ZNF407: variants seen among roughly 807,000 people sequenced by gnomAD.
ZNF407 encodes zinc finger protein 407.
A neutral mutation model predicts 131.2 loss-of-function variants in ZNF407; 17 were observed. That is an observed-to-expected ratio of 0.13 (90% CI 0.09 to 0.19). ZNF407 has a LOEUF of 0.19. Ranked by LOEUF, ZNF407 falls within the 10% of genes least tolerant of loss-of-function variation. The pLI is 1.00. For missense variants in ZNF407, 2,681 were observed against 2,830.6 expected, an observed-to-expected ratio of 0.95 and a Z score of 1.20; for synonymous variants, 1,156 against 1,062.0, an observed-to-expected ratio of 1.09 and a Z score of -1.72.
At chr18:74,715,294 T>C (rs1387596505) in intron 3 of ZNF407, among the ~76,000 whole-genome samples, 1 of 152,242 alleles carries the variant, frequency 6.6e-6, no homozygotes, top group Non-Finnish European at 1.5e-5. Flanking sequence ...TCTATTATTG[T>C]TACTATCCAA....
At chr18:74,823,164 A>G (rs973074309) in intron 4 of ZNF407, among the ~76,000 whole-genome samples, 1 of 152,176 alleles carries the variant, frequency 6.6e-6, no homozygotes. Context: ...AAATGCTGAG[A>G]GATTTTTGTC....
intron 3 of ZNF407, among the ~76,000 whole-genome samples, chr18:74,713,062 C>T (rs1003009807): frequency 2.6e-4 from 39 of 152,182 alleles, no homozygotes; most frequent in Admixed American, 6.5e-4. Context: ...TTGTTAGATA[C>T]TTGGCCTTAT....
At chr18:74,943,128 G>C (rs1972118820) in intron 8 of ZNF407, among the ~76,000 whole-genome samples, 1 of 151,896 alleles carries the variant, frequency 6.6e-6, no homozygotes, top group Admixed American at 6.6e-5. Context: ...ACATTAGCCA[G>C]GATGGTCTCG....
chr18:74,688,346 C>G (rs1967143620), intron 3 of ZNF407, among the ~76,000 whole-genome samples: 1 of 152,210 alleles, frequency 6.6e-6, no homozygotes, highest in East Asian at 1.9e-4. Context: ...TAAGATATCT[C>G]TCTGGATGCA....
intron 7 of ZNF407, among the ~76,000 whole-genome samples, chr18:74,899,985 G>A (rs1220101025): frequency 6.6e-6 from 1 of 152,242 alleles, no homozygotes; most frequent in Non-Finnish European, 1.5e-5. Context: ...GGCAGCTGAA[G>A]GCAGGTAGAC....
intron 4 of ZNF407, among the ~76,000 whole-genome samples, chr18:74,787,969 C>G (rs1306915415): frequency 6.6e-6 from 1 of 152,146 alleles, no homozygotes; most frequent in Non-Finnish European, 1.5e-5. Context: ...GGTCTTTATT[C>G]CAGAGAAAGT....
intron 8 of ZNF407, among the ~76,000 whole-genome samples, chr18:75,005,534 T>C (rs1225519660): frequency 2.6e-5 from 4 of 152,112 alleles, no homozygotes; most frequent in Admixed American, 2.6e-4. Flanking sequence ...TCTATTGAGA[T>C]TGAAAACCTT....
intron 7 of ZNF407, among the ~76,000 whole-genome samples, chr18:74,897,812 A>C (rs1219113533): frequency 6.6e-6 from 1 of 152,226 alleles, no homozygotes; most frequent in Non-Finnish European, 1.5e-5. Context: ...GAAGTCACCT[A>C]TGCATCCCTA....
intron 1 of ZNF407, among the ~76,000 whole-genome samples, chr18:74,621,135 TGTGG>T (rs1983493446): frequency 1.3e-5 from 2 of 152,120 alleles, no homozygotes; most frequent in African/African-American, 2.4e-5. Flanking sequence ...TGTTTAATTT[TGTGG>T]GTACATAGCA....
At chr18:74,950,305 G>A (rs1972199462) in intron 8 of ZNF407, among the ~76,000 whole-genome samples, 2 of 152,188 alleles carry the variant, frequency 1.3e-5, no homozygotes, top group Admixed American at 1.3e-4. Flanking sequence ...CACACTTAAT[G>A]CTTACATATT....
At chr18:74,828,734 C>T (rs1970443029) in intron 4 of ZNF407, among the ~76,000 whole-genome samples, 1 of 129,418 alleles carries the variant, frequency 7.7e-6, no homozygotes, top group Non-Finnish European at 1.8e-5. Flanking sequence ...TCATGTGTCT[C>T]GTTGCACTCT....
At chr18:75,016,358 A>C (rs1336727580) in intron 8 of ZNF407, among the ~76,000 whole-genome samples, 1 of 152,146 alleles carries the variant, frequency 6.6e-6, no homozygotes, top group Non-Finnish European at 1.5e-5. Flanking sequence ...GTTATTTTAT[A>C]GCTATTTAAA....
intron 4 of ZNF407, among the ~76,000 whole-genome samples, chr18:74,863,639 A>T (rs1276354887): frequency 6.6e-6 from 1 of 152,132 alleles, no homozygotes; most frequent in Non-Finnish European, 1.5e-5. Context: ...CTATCTTTTT[A>T]TTAAGGATTT....
chr18:74,845,470 G>A (rs759596597), intron 4 of ZNF407, among the ~76,000 whole-genome samples: 13 of 152,072 alleles, frequency 8.5e-5, no homozygotes, highest in East Asian at 1.9e-4. Context: ...TATTGATATC[G>A]CAAGCCATTA....
chr18:74,635,853 G>C lies in ZNF407; in HGVS notation c.4687+147G>C. ...GTGCTGCTCTGCTTGTCTGCAATAAGTCATTGTTGACACTTAACATTTTTA... is the reference window on the plus strand; with the variant it reads ...GTGCTGCTCTGCTTGTCTGCAATAACTCATTGTTGACACTTAACATTTTTA... On this transcript the variant is annotated intron_variant, in intron 2 of 8. Coordinates refer to ENST00000299687, the MANE Select transcript of ZNF407 (RefSeq NM_017757.3). The surrounding 1 kb of genome is among the most constrained non-coding windows in gnomAD (Gnocchi z 4.7). 1.8e-6 allele frequency: 2 copies of C among 1,096,992 alleles called. No individual in the cohort carries two copies. The highest frequency in any genetic ancestry group is 2.5e-6 in the Non-Finnish European group (2 of 801,970). The allele number at this position is 1,096,992 out of a possible 1,614,324, so 68.0% of individuals were successfully genotyped here. A position where few individuals can be genotyped will look rare whatever the true frequency, so the allele number is the denominator to read the frequency against.
At chr18:74,790,195 AC>A (rs1969800060) in intron 4 of ZNF407, among the ~76,000 whole-genome samples, 1 of 152,222 alleles carries the variant, frequency 6.6e-6, no homozygotes, top group African/African-American at 2.4e-5. Flanking sequence ...GTTATTCAGT[AC>A]CAGTTCAATG....
In ZNF407 at chr18:75,047,056, GTTTA is replaced by G. The variant is rs775519237; in HGVS notation, c.5429-16088_5429-16085del. On this transcript the variant is annotated intron_variant, in intron 8 of 8. Coordinates refer to ENST00000299687, the MANE Select transcript of ZNF407 (RefSeq NM_017757.3). ...ATTAGAATATTTGGGATTCTGATTT[GTTTA>G]TTTATATACATCTTAAAAATTGGAC... Among the ~76,000 whole-genome samples the G allele has an allele frequency of 2.4e-4, 36 of 152,174 alleles. No homozygotes were observed. The Middle Eastern group carries it at 0.014, about 58-fold the overall frequency.
chr18:75,012,369 T>C lies in ZNF407; in HGVS notation c.5429-50781T>C, dbSNP rs537313424. 2.8e-3 allele frequency among the ~76,000 whole-genome samples: 256 copies of C among 90,632 alleles called. 9 individuals are homozygous for C. The highest frequency in any genetic ancestry group is 9.4e-3 in the African/African-American group (233 of 24,742). 59.5% of individuals were successfully genotyped at this position (90,632 alleles called of 152,430 possible). On this transcript the variant is annotated intron_variant, in intron 8 of 8. Transcript: ENST00000299687. ...TATGTACACATAGTGTATGTACACA[T>C]AGTGTATGTACACATAGTGTATGTA...
chr18:74,642,689 T>C (rs1290666294), intron 3 of ZNF407, among the ~76,000 whole-genome samples: 1 of 152,134 alleles, frequency 6.6e-6, no homozygotes, highest in Admixed American at 6.6e-5. Flanking sequence ...ACTGCTTACC[T>C]CATACAACTG....
Sources: gnomAD v4.1 joint callset for allele counts (sites outside exome capture counted in the v4.1 genomes callset) on GRCh38, gnomAD v4.1.1 for gene constraint, Gnocchi (gnomAD v3.1) non-coding constraint, MANE v1.5 for transcripts, NCBI Gene and HGNC (gene_info 2026-07-23, HGNC 2026-07-21) for gene names.